COMMD10: variants seen among roughly 807,000 people sequenced by gnomAD.
The protein encoded by COMMD10 is COMM domain-containing protein 10.
A neutral mutation model predicts 28.9 loss-of-function variants in COMMD10; 33 were observed. The ratio of observed to expected loss-of-function variants is 1.14; its 90% CI spans 0.87 to 1.53. The LOEUF (loss-of-function observed/expected upper bound fraction) is 1.53. Among genes scored for constraint, COMMD10 ranks in the 40% most tolerant of loss-of-function variants. The pLI is 0.00. For synonymous variants in COMMD10, 110 were observed against 81.7 expected (o/e 1.35, Z -1.87); for missense variants, 310 against 233.4 (o/e 1.33, Z -2.14).
At chr5:116,169,333 T>A (rs1753241360) in intron 5 of COMMD10, among the ~76,000 whole-genome samples, 1 of 151,954 alleles carries the variant, frequency 6.6e-6, no homozygotes, top group Admixed American at 6.6e-5. Context: ...AATAACAAGT[T>A]CTGAAATTGA....
chr5:116,095,280 CAT>C (rs1750431597), intron 4 of COMMD10, among the ~76,000 whole-genome samples: 1 of 152,098 alleles, frequency 6.6e-6, no homozygotes, highest in Non-Finnish European at 1.5e-5. Context: ...AAATATAACA[CAT>C]ATCTCATAAA....
At chr5:116,125,028 T>G (rs2112757860) in intron 4 of COMMD10, among the ~76,000 whole-genome samples, 1 of 152,222 alleles carries the variant, frequency 6.6e-6, no homozygotes, top group South Asian at 2.1e-4. Context: ...CTGTGTCTCT[T>G]AATTGGAACA....
At chr5:116,106,468 G>T (rs1431640671) in intron 4 of COMMD10, among the ~76,000 whole-genome samples, 1 of 152,128 alleles carries the variant, frequency 6.6e-6, no homozygotes, top group Non-Finnish European at 1.5e-5. Flanking sequence ...CTGTTGATTT[G>T]GTGTGGAGAG....
intron 5 of COMMD10, among the ~76,000 whole-genome samples, chr5:116,252,274 C>A (rs1385938483): frequency 3.5e-5 from 5 of 142,002 alleles, no homozygotes; most frequent in African/African-American, 8.1e-5. Context: ...ATGGTAGTTT[C>A]TTTTGCTGTG....
chr5:116,099,888 G>A (rs995980332), intron 4 of COMMD10, among the ~76,000 whole-genome samples: 2 of 152,062 alleles, frequency 1.3e-5, no homozygotes, highest in Non-Finnish European at 2.9e-5. Context: ...TGGGTATCAC[G>A]TATCTGAAAT....
rs531184382 is a variant in COMMD10, at chr5:116,096,523, G to A, written c.399+3823G>A. On this transcript the variant is annotated intron_variant, in intron 4 of 6. Coordinates refer to ENST00000274458, the MANE Select transcript of COMMD10 (RefSeq NM_016144.4). ...TGTGATTTCCTTTGAAGGCAGTCAC[G>A]TTGTCTGTGAATAAAGACAGTTTTA... Among the ~76,000 whole-genome samples the A allele has an allele frequency of 1.4e-4, 21 of 152,050 alleles. No homozygotes were observed. In the South Asian group the frequency reaches 3.1e-3, roughly 23 times the overall value.
intron 5 of COMMD10, among the ~76,000 whole-genome samples, chr5:116,244,276 CA>C (rs1333197783): frequency 1.3e-5 from 2 of 151,968 alleles, no homozygotes; most frequent in African/African-American, 4.8e-5. Flanking sequence ...TCCCACTGGA[CA>C]CAACTACAGG....
intron 5 of COMMD10, among the ~76,000 whole-genome samples, chr5:116,274,474 A>G (rs1352389440): frequency 6.6e-6 from 1 of 151,782 alleles, no homozygotes; most frequent in African/African-American, 2.4e-5. Context: ...GATTTTTCCC[A>G]AAAGCTGACA....
chr5:116,134,323 A>C (rs1751961284), intron 5 of COMMD10, 145 bp downstream of exon 5: 4 of 550,634 alleles, frequency 7.3e-6, no homozygotes, highest in South Asian at 4.7e-5. Flanking sequence ...TTTTGACAGA[A>C]ATAGCTTATC....
At chr5:116,171,911 C>A (rs578088999) in intron 5 of COMMD10, among the ~76,000 whole-genome samples, 1 of 152,228 alleles carries the variant, frequency 6.6e-6, no homozygotes, top group South Asian at 2.1e-4. Flanking sequence ...ACCACCATGG[C>A]ACGTGTATAC....
chr5:116,127,650 A>G (rs1751705874), intron 4 of COMMD10, among the ~76,000 whole-genome samples: 1 of 152,222 alleles, frequency 6.6e-6, no homozygotes, highest in Non-Finnish European at 1.5e-5. Flanking sequence ...GCTAGAAACC[A>G]TCATTCTGAG....
intron 5 of COMMD10, chr5:116,218,141 A>G (rs1200997447): frequency 5.8e-6 from 7 of 1,197,716 alleles, no homozygotes; most frequent in Admixed American, 5.1e-5. Context: ...CCCTTTGGGT[A>G]CCTTCTCTCC....
At chr5:116,246,472 G>GA (rs533014985) in intron 5 of COMMD10, among the ~76,000 whole-genome samples, 3,091 of 139,300 alleles carry the variant, frequency 0.022, 49 homozygotes, top group African/African-American at 0.046. Flanking sequence ...GTAGAACTAG[G>GA]AAAAAAAAAA....
At chr5:116,121,481 C>A (rs550540497) in intron 4 of COMMD10, among the ~76,000 whole-genome samples, 7 of 152,304 alleles carry the variant, frequency 4.6e-5, no homozygotes, top group African/African-American at 1.7e-4. Flanking sequence ...ATTTATAATC[C>A]TTTGGGTATA....
chr5:116,118,922 G>A (rs957944380), intron 4 of COMMD10, among the ~76,000 whole-genome samples: 7 of 152,212 alleles, frequency 4.6e-5, no homozygotes, highest in Non-Finnish European at 1.0e-4. Flanking sequence ...TTTCGTTAAT[G>A]CCAGGGAACT....
At chr5:116,160,929 CT>C (rs900353571) in intron 5 of COMMD10, among the ~76,000 whole-genome samples, 4 of 151,944 alleles carry the variant, frequency 2.6e-5, no homozygotes, top group East Asian at 1.9e-4. Flanking sequence ...TGGTATGAGG[CT>C]TTTTTCCCCA....
chr5:116,154,742 CT>C (rs1752650229), intron 5 of COMMD10, among the ~76,000 whole-genome samples: 2 of 151,488 alleles, frequency 1.3e-5, no homozygotes, highest in African/African-American at 4.9e-5. Flanking sequence ...TTTTCTTTTT[CT>C]TTTTCTTTTT....
At chr5:116,095,240 A>G (rs1443044849) in intron 4 of COMMD10, among the ~76,000 whole-genome samples, 1 of 152,214 alleles carries the variant, frequency 6.6e-6, no homozygotes, top group Non-Finnish European at 1.5e-5. Context: ...ATACCCTGAC[A>G]TGATCATTAC....
intron 5 of COMMD10, among the ~76,000 whole-genome samples, chr5:116,240,500 C>G (rs564926093): frequency 2.6e-5 from 4 of 152,230 alleles, no homozygotes; most frequent in Admixed American, 6.5e-5. Context: ...GCTTTCTAGT[C>G]AAATATTTAG....
Sources: allele counts gnomAD v4.1 joint callset (sites outside exome capture counted in the v4.1 genomes callset), GRCh38; gene constraint gnomAD v4.1.1; transcripts MANE v1.5; gene names NCBI Gene and HGNC (gene_info 2026-07-23, HGNC 2026-07-21).